TAOK1: variants seen among roughly 807,000 people sequenced by gnomAD.
The protein encoded by TAOK1 is TAO kinase 1.
In TAOK1, 21 loss-of-function variants were observed where a neutral mutation model predicts 138.3. That is an observed-to-expected ratio of 0.15 (90% CI 0.11 to 0.22). The LOEUF is 0.22. TAOK1 is among the 10% of genes least tolerant of loss of function. TAOK1 has a pLI of 1.00. For missense variants in TAOK1, 651 were observed against 1,227.7 expected (o/e 0.53, Z 7.02); for synonymous variants, 361 against 398.4 (o/e 0.91, Z 1.12).
intron 12 of TAOK1, among the ~76,000 whole-genome samples, chr17:29,500,287 C>A (rs1195884349): frequency 1.3e-5 from 2 of 152,048 alleles, no homozygotes; most frequent in African/African-American, 4.8e-5. Context: ...TGCACCTCAG[C>A]CTGGGTGATA....
At chr17:29,490,740 C>G (rs2031280309) in intron 9 of TAOK1, among the ~76,000 whole-genome samples, 1 of 152,146 alleles carries the variant, frequency 6.6e-6, no homozygotes, top group Admixed American at 6.6e-5. Context: ...TTATAAAGAA[C>G]AGAAATTTAT....
In TAOK1 at chr17:29,530,647, A is replaced by G. The variant is rs201070435; in HGVS notation, c.2361+28A>G. 1.7e-4 allele frequency: 272 copies of G among 1,575,756 alleles called. No individual in the cohort carries two copies. In the African/African-American group the frequency reaches 3.5e-3, roughly 20 times the overall value. ...GAGTTTGCTTTTTTTGGGGCAAAAC[A>G]AATTTAGTGCCCCTTTTCTTCCACC... On this transcript the variant is annotated intron_variant, in intron 18 of 19. Transcript: ENST00000261716.
intron 7 of TAOK1, among the ~76,000 whole-genome samples, chr17:29,481,287 A>C (rs59000473): frequency 6.6e-6 from 1 of 150,816 alleles, no homozygotes; most frequent in East Asian, 2.0e-4. Flanking sequence ...TCCGCCTCTT[A>C]GGTTCAAGCG....
At chr17:29,482,796 A>G (rs559684322) in intron 8 of TAOK1, among the ~76,000 whole-genome samples, 2 of 151,834 alleles carry the variant, frequency 1.3e-5, no homozygotes, top group South Asian at 2.1e-4. Context: ...GCCATGATCC[A>G]TAGGTATATG....
At chr17:29,399,484 T>G (rs1419174850) in intron 1 of TAOK1, among the ~76,000 whole-genome samples, 2 of 151,954 alleles carry the variant, frequency 1.3e-5, no homozygotes, top group Non-Finnish European at 2.9e-5. Context: ...CCTGGCTAAA[T>G]TTTTGTATTT....
At chr17:29,439,864 T>TAA (rs371960597) in intron 1 of TAOK1, among the ~76,000 whole-genome samples, 10 of 118,168 alleles carry the variant, frequency 8.5e-5, no homozygotes, top group African/African-American at 1.3e-4. Flanking sequence ...CTCTGTCTCC[T>TAA]AAAAAAAAAA....
intron 1 of TAOK1, among the ~76,000 whole-genome samples, chr17:29,449,670 A>G (rs556146923): frequency 1.8e-4 from 28 of 151,920 alleles, no homozygotes; most frequent in African/African-American, 6.8e-4. Flanking sequence ...GTGAATCCCC[A>G]TCTCTACTAA....
At chr17:29,443,925 C>T (rs990158681) in intron 1 of TAOK1, among the ~76,000 whole-genome samples, 2 of 151,786 alleles carry the variant, frequency 1.3e-5, no homozygotes, top group African/African-American at 4.8e-5. Flanking sequence ...GACCAGCCTG[C>T]CTAACATGGT....
At chr17:29,407,431 G>A (rs1259932333) in intron 1 of TAOK1, among the ~76,000 whole-genome samples, 8 of 151,886 alleles carry the variant, frequency 5.3e-5, no homozygotes, top group South Asian at 4.2e-4. Context: ...ATTGCCTGAC[G>A]GAGATAATCT....
chr17:29,494,550 G>A (rs2031372438), intron 10 of TAOK1, among the ~76,000 whole-genome samples: 2 of 152,118 alleles, frequency 1.3e-5, no homozygotes, highest in South Asian at 4.1e-4. Context: ...AGGATAGCTG[G>A]GCGCGGTGGC....
intron 15 of TAOK1, among the ~76,000 whole-genome samples, chr17:29,515,270 C>T (rs2031794951): frequency 6.6e-6 from 1 of 152,066 alleles, no homozygotes; most frequent in South Asian, 2.1e-4. Flanking sequence ...CATAATTTTG[C>T]CAAAAACTTA....
chr17:29,489,508 TA>T (rs1007145667), intron 8 of TAOK1, among the ~76,000 whole-genome samples, 155 bp from the exon 9 acceptor site: 4 of 147,214 alleles, frequency 2.7e-5, no homozygotes, highest in Non-Finnish European at 4.5e-5. Flanking sequence ...AGAAAAAAAA[TA>T]AAAAAAAAGC....
At chr17:29,494,386 G>C (rs1190019633) in intron 10 of TAOK1, among the ~76,000 whole-genome samples, 1 of 152,188 alleles carries the variant, frequency 6.6e-6, no homozygotes, top group Middle Eastern at 3.4e-3. Context: ...GTGCACACCT[G>C]TAGTCCTAGC....
At chr17:29,453,158 C>CTT (rs1273106911) in intron 2 of TAOK1, among the ~76,000 whole-genome samples, 2,181 of 133,268 alleles carry the variant, frequency 0.016, 43 homozygotes, top group Non-Finnish European at 0.027. Flanking sequence ...TTCTGGCTTA[C>CTT]TTTTTTTTTT....
At chr17:29,530,274 A>G in intron 17 of TAOK1, 133 bp from the exon 18 acceptor site, 1 of 744,444 alleles carries the variant, frequency 1.3e-6, no homozygotes, top group East Asian at 2.7e-5. Flanking sequence ...AGTACCTGCA[A>G]CCTGATGATC....
At chr17:29,510,543 T>C (rs2153029565) in intron 14 of TAOK1, among the ~76,000 whole-genome samples, 1 of 152,248 alleles carries the variant, frequency 6.6e-6, no homozygotes, top group Middle Eastern at 3.4e-3. Flanking sequence ...AAATAAAATA[T>C]AGCATTTGTT....
intron 2 of TAOK1, among the ~76,000 whole-genome samples, chr17:29,452,290 T>C (rs190882288): frequency 2.0e-5 from 3 of 152,318 alleles, no homozygotes; most frequent in Admixed American, 1.3e-4. Flanking sequence ...CTTTAACTTA[T>C]GTGTTACTTT....
rs570605962 is a variant in TAOK1 at position 29,427,038 on chromosome 17, T to C, written c.-94-24417T>C. Among the ~76,000 whole-genome samples the C allele has an allele frequency of 3.3e-5, 5 of 152,254 alleles. No homozygotes were observed. The South Asian group carries it at 6.2e-4, about 19-fold the overall frequency. On this transcript the variant is annotated intron_variant, in intron 1 of 19. Transcript: ENST00000261716. ...CATTTCAAGTGGAATTGGATGAGAATTGATATACTAGGGAACAATGAAATA... is the reference window on the plus strand; with the variant it reads ...CATTTCAAGTGGAATTGGATGAGAACTGATATACTAGGGAACAATGAAATA...
intron 11 of TAOK1, 104 bp from the exon 12 acceptor site, chr17:29,498,214 T>C: frequency 8.5e-7 from 1 of 1,177,616 alleles, no homozygotes; most frequent in South Asian, 1.4e-5. Flanking sequence ...ACCAACTTTC[T>C]GAGACTGTCT....
Sources: gnomAD v4.1 joint callset for allele counts (sites outside exome capture counted in the v4.1 genomes callset) on GRCh38, gnomAD v4.1.1 for gene constraint, MANE v1.5 for transcripts, NCBI Gene and HGNC (gene_info 2026-07-23, HGNC 2026-07-21) for gene names.